CCSER2: variants seen among roughly 807,000 people sequenced by gnomAD.
The protein encoded by CCSER2 is serine-rich coiled-coil domain-containing protein 2.
A neutral mutation model predicts 92.3 loss-of-function variants in CCSER2; 46 were observed. That is an observed-to-expected ratio of 0.50 (90% CI 0.39 to 0.64). CCSER2 has a LOEUF of 0.64. CCSER2 is among the 30% of genes least tolerant of loss of function. CCSER2 has a pLI of 0.00. For synonymous variants in CCSER2, 433 were observed against 431.4 expected (o/e 1.00, Z -0.04); for missense variants, 1,244 against 1,238.9 (o/e 1.00, Z -0.06).
In CCSER2 at chr10:84,516,910, G is replaced by A. The variant is rs1348688722; in HGVS notation, c.*2643G>A. The A allele has an allele frequency of 6.6e-6, 1 of 152,022 alleles. No individual in the cohort carries two copies. Among genetic ancestry groups the A allele is most frequent in the Admixed American group, 6.6e-5 (1 of 15,260 alleles). 9.4% of individuals were successfully genotyped at this position (152,022 alleles called of 1,614,324 possible). A position where few individuals can be genotyped will look rare whatever the true frequency, so the allele number is the denominator to read the frequency against. On this transcript the variant is annotated 3_prime_UTR_variant, in exon 10 of 10. Transcript: ENST00000372088. ...GATGCTTGCATGACATAAAGTATTT[G>A]CCTGCAGTTTTCATTAAAAACTGCA...
Position 84,392,455 on chromosome 10 carries a change from G to A in CCSER2, c.1614+18640G>A, listed in dbSNP as rs571985032. On this transcript the variant is annotated intron_variant, in intron 3 of 9. Transcript: ENST00000372088. ...CAAGAAAGAGGAACAATTCTATAGC[G>A]CACAATAAAGGAAACCTAAGAATGG... is the stretch of plus-strand genomic sequence containing the variant. Among the ~76,000 whole-genome samples, 154 of 151,750 alleles carry A rather than the reference G, an allele frequency of 1.0e-3. 1 individual carries two copies. Among genetic ancestry groups the A allele is most frequent in the Non-Finnish European group, 1.7e-3 (118 of 67,946 alleles).
intron 9 of CCSER2, among the ~76,000 whole-genome samples, chr10:84,494,772 C>T (rs557217863): frequency 1.3e-5 from 2 of 152,120 alleles, no homozygotes; most frequent in South Asian, 2.1e-4. Flanking sequence ...TGACAAAAGG[C>T]GATATTTGGG....
chr10:84,444,401 T>G (rs1397048695), intron 6 of CCSER2, among the ~76,000 whole-genome samples: 1 of 152,220 alleles, frequency 6.6e-6, no homozygotes, highest in Non-Finnish European at 1.5e-5. Flanking sequence ...AATTTTAGGC[T>G]AAAGTCGTTA....
rs556065197 is a variant in CCSER2, at chr10:84,404,004, C to G, written c.1615-13767C>G. Among the ~76,000 whole-genome samples the G allele has an allele frequency of 9.2e-5, 14 of 152,314 alleles. No individual in the cohort carries two copies. The South Asian group carries it at 1.0e-3, about 11-fold the overall frequency. ...GAGGGAATACACCTTGAATTCATTTCTAAACCAACAATCTTTGAAAATAGG... is the reference window on the plus strand; with the variant it reads ...GAGGGAATACACCTTGAATTCATTTGTAAACCAACAATCTTTGAAAATAGG... On this transcript the variant is annotated intron_variant, in intron 3 of 9. Coordinates refer to ENST00000372088, the MANE Select transcript of CCSER2 (RefSeq NM_001284240.2).
intron 1 of CCSER2, among the ~76,000 whole-genome samples, chr10:84,346,292 G>C (rs754427901): frequency 3.3e-5 from 5 of 151,952 alleles, no homozygotes; most frequent in Non-Finnish European, 7.4e-5. Context: ...TTGAATTCCC[G>C]ACCTCAGGTG....
chr10:84,385,892 AT>A (rs1365253520), intron 3 of CCSER2, among the ~76,000 whole-genome samples: 1 of 152,158 alleles, frequency 6.6e-6, no homozygotes, highest in Non-Finnish European at 1.5e-5. Flanking sequence ...AAGAAAAAAA[AT>A]GTATAACTCC....
intron 1 of CCSER2, among the ~76,000 whole-genome samples, chr10:84,369,631 A>AT (rs779098524): frequency 2.0e-4 from 31 of 151,852 alleles, no homozygotes; most frequent in Non-Finnish European, 3.8e-4. Context: ...TACTCTGATT[A>AT]TTTTTTGCTG....
At chr10:84,346,659 C>T (rs1844495176) in intron 1 of CCSER2, among the ~76,000 whole-genome samples, 1 of 151,870 alleles carries the variant, frequency 6.6e-6, no homozygotes, top group Admixed American at 6.6e-5. Context: ...ATCCAGCCAT[C>T]TGTTACAGAT....
intron 5 of CCSER2, among the ~76,000 whole-genome samples, chr10:84,426,115 C>G (rs1004021061): frequency 2.0e-5 from 3 of 152,056 alleles, no homozygotes; most frequent in Non-Finnish European, 4.4e-5. Flanking sequence ...TATAAATACT[C>G]TATTTATATC....
At chr10:84,368,132 C>T (rs771017221) in intron 1 of CCSER2, among the ~76,000 whole-genome samples, 3 of 151,996 alleles carry the variant, frequency 2.0e-5, no homozygotes, top group African/African-American at 4.8e-5. Flanking sequence ...CCTCTGTGCT[C>T]GGGATATTTT....
chr10:84,433,781 T>A (rs1010100808), intron 5 of CCSER2, among the ~76,000 whole-genome samples: 4 of 152,246 alleles, frequency 2.6e-5, no homozygotes, highest in Admixed American at 6.5e-5. Flanking sequence ...TCTTTTTTTT[T>A]ATCTTGTTGA....
chr10:84,436,495 C>T (rs901507829), intron 5 of CCSER2, among the ~76,000 whole-genome samples: 2 of 149,694 alleles, frequency 1.3e-5, no homozygotes, highest in East Asian at 2.0e-4. Context: ...ATTAGCCCGG[C>T]GTGCTGGCGG....
At chr10:84,397,597 TC>T (rs767727244) in intron 3 of CCSER2, among the ~76,000 whole-genome samples, 29 of 152,230 alleles carry the variant, frequency 1.9e-4, no homozygotes, top group Admixed American at 8.5e-4. Flanking sequence ...TTAACTGAAG[TC>T]TGCCACCGAC....
At chr10:84,329,362 A>G (rs1843435369) in intron 1 of CCSER2, among the ~76,000 whole-genome samples, 1 of 152,216 alleles carries the variant, frequency 6.6e-6, no homozygotes, top group Non-Finnish European at 1.5e-5. Context: ...AGGAGGAATG[A>G]AGGGACTCCT....
rs993381657 is a variant in CCSER2 at position 84,371,480 on chromosome 10, T to C, written c.428T>C (p.Phe143Ser). ...ACAGAGGAGTTAAACCAAAAGTCTT[T>C]TTCTGGACCATCTAATTTGGGTAAA... ...SSTEELNQKSFSGPSNLGKFT... is the reference protein window; with the variant it reads ...SSTEELNQKSSSGPSNLGKFT... The change falls in exon 2 of 10, where the codon TTT becomes TCT. Residue 143 changes from phenylalanine (F) to serine (S), a missense_variant. By Grantham distance (155) the Phe-to-Ser change is radical (BLOSUM62 -2). Transcript: ENST00000372088. The C allele has an allele frequency of 2.5e-6, 4 of 1,613,838 alleles. No individual in the cohort carries two copies. Among genetic ancestry groups the C allele is most frequent in the African/African-American group, 2.7e-5 (2 of 74,918 alleles).
chr10:84,414,487 C>T (rs1260315066), intron 3 of CCSER2, among the ~76,000 whole-genome samples: 1 of 152,160 alleles, frequency 6.6e-6, no homozygotes, highest in Non-Finnish European at 1.5e-5. Context: ...CCAACTTCTT[C>T]TGGCTTGTAG....
chr10:84,363,887 A>G (rs1217371946), intron 1 of CCSER2, among the ~76,000 whole-genome samples: 2 of 152,328 alleles, frequency 1.3e-5, no homozygotes, highest in African/African-American at 2.4e-5. Context: ...ATCATAGAGT[A>G]TACTTACACA....
intron 9 of CCSER2, among the ~76,000 whole-genome samples, chr10:84,489,657 G>A (rs1202451355): frequency 1.3e-5 from 2 of 152,126 alleles, no homozygotes; most frequent in Non-Finnish European, 2.9e-5. Flanking sequence ...TCGGTCTCCT[G>A]AATATAGCAC....
intron 3 of CCSER2, among the ~76,000 whole-genome samples, chr10:84,395,931 C>G (rs1235098927): frequency 6.6e-6 from 1 of 152,070 alleles, no homozygotes; most frequent in Non-Finnish European, 1.5e-5. Flanking sequence ...TTCGTTGCTA[C>G]TGAGGTGTAA....
Sources: allele counts gnomAD v4.1 joint callset (sites outside exome capture counted in the v4.1 genomes callset), GRCh38; gene constraint gnomAD v4.1.1; transcripts MANE v1.5; gene names NCBI Gene and HGNC (gene_info 2026-07-23, HGNC 2026-07-21).